The following MYOF variants were observed in gnomAD, a reference collection of about 807,000 sequenced individuals.
The protein encoded by MYOF is myoferlin, also known as fer-1-like 3, myoferlin.
Under a neutral mutation model 284.2 loss-of-function variants are expected in MYOF, and 244 were observed. That is an observed-to-expected ratio of 0.86 (90% CI 0.77 to 0.95). The LOEUF is 0.95. MYOF is among the 40% of genes least tolerant of loss of function. The pLI, the probability that MYOF is intolerant of heterozygous loss-of-function variation, is 0.00. For missense variants in MYOF, 2,496 were observed against 2,560.6 expected (o/e 0.97, Z 0.54); for synonymous variants, 904 against 919.7 (o/e 0.98, Z 0.31).
rs768932050 is a variant in MYOF, at chr10:93,369,689, A to G, written c.2545T>C (p.Phe849Leu). ...WLGLSAVEKK[F>L]NSFAEGTFTV... Reference sequence around the variant, plus strand: ...AAAGTTCCTTCTGCGAAGCTGTTAAACTTCTTCTCCACAGCACTTAAGCCT... The same window carrying G: ...AAAGTTCCTTCTGCGAAGCTGTTAAGCTTCTTCTCCACAGCACTTAAGCCT... The change falls in exon 25 of 54, where the codon TTT becomes CTT. Residue 849 changes from phenylalanine to leucine, a missense_variant. Phe to Leu is a conservative substitution (Grantham distance 22). Around this residue, in one of 3 missense-constraint regions of MYOF, gnomAD observed 2,436 missense variants for 2,480.7 expected, o/e 0.98. Transcript: ENST00000359263. 24 of 1,614,150 alleles carry G rather than the reference A, an allele frequency of 1.5e-5. No individual in the cohort carries two copies. The highest frequency in any genetic ancestry group is 2.0e-5 in the Non-Finnish European group (24 of 1,180,024).
chr10:93,390,796 C>A (rs1846639271), intron 17 of MYOF, among the ~76,000 whole-genome samples: 1 of 150,956 alleles, frequency 6.6e-6, no homozygotes, highest in Non-Finnish European at 1.5e-5. Context: ...GAAGCTGAAT[C>A]ACACACAAAA....
In MYOF at chr10:93,478,836, A is replaced by AGAAAGAAAGAAAG. The variant is rs200937397; in HGVS notation, c.88+3270_88+3271insCTTTCTTTCTTTC. 3.2e-4 allele frequency among the ~76,000 whole-genome samples: 19 copies of AGAAAGAAAGAAAG among 58,922 alleles called. 1 individual carries two copies. Among genetic ancestry groups the AGAAAGAAAGAAAG allele is most frequent in the Non-Finnish European group, 4.6e-4 (14 of 30,256 alleles). 38.7% of individuals were successfully genotyped at this position (58,922 alleles called of 152,430 possible). ...GGGTGAAACAGTCTCAAAAAAAAAA[A>AGAAAGAAAGAAAG]AAAAAAAGAAAGAAAGAAAGAAAGG... On this transcript the variant is annotated intron_variant, in intron 1 of 53. Transcript: ENST00000359263.
At chr10:93,386,148 T>C (rs74876849) in intron 19 of MYOF, among the ~76,000 whole-genome samples, 8,956 of 152,274 alleles carry the variant, frequency 0.059, 301 homozygotes, top group Middle Eastern at 0.12. Flanking sequence ...TTTCAAGAGC[T>C]AACTCCAATC....
Position 93,353,903 on chromosome 10 carries a change from T to C in MYOF, c.3404-15A>G. The C allele has an allele frequency of 6.3e-7, 1 of 1,589,414 alleles. No homozygotes were observed. The highest frequency in any genetic ancestry group is 8.6e-7 in the Non-Finnish European group (1 of 1,164,172). ...GATGTAGACTCCTAAAAAAACAGGA[T>C]AAAGATTACTTACAAGAAGCGTAAC... On this transcript the variant is annotated splice_polypyrimidine_tract_variant and intron_variant, in intron 31 of 53. Coordinates refer to ENST00000359263, the MANE Select transcript of MYOF (RefSeq NM_013451.4).
At chr10:93,409,043 A>G in intron 6 of MYOF, 128 bp from the exon 7 acceptor site, 2 of 1,408,538 alleles carry the variant, frequency 1.4e-6, no homozygotes, top group Non-Finnish European at 1.9e-6. Flanking sequence ...GCTTTGTGCT[A>G]TACCAGGTGC....
At chr10:93,416,241 G>C (rs78679007) in intron 5 of MYOF, among the ~76,000 whole-genome samples, 4,594 of 152,296 alleles carry the variant, frequency 0.03, 100 homozygotes, top group Middle Eastern at 0.054. Context: ...TCTCTCGGCC[G>C]GGCGTCGTGG....
intron 23 of MYOF, among the ~76,000 whole-genome samples, chr10:93,373,859 C>T (rs1845709247): frequency 6.6e-6 from 1 of 152,164 alleles, no homozygotes; most frequent in African/African-American, 2.4e-5. Flanking sequence ...AAGCCCTTTA[C>T]ACCTACCATT....
chr10:93,445,667 G>T (rs896813725), intron 3 of MYOF, among the ~76,000 whole-genome samples: 1 of 152,188 alleles, frequency 6.6e-6, no homozygotes, highest in Admixed American at 6.5e-5. Context: ...GTGAGCCTGG[G>T]ACTGCCTGGG....
intron 22 of MYOF, among the ~76,000 whole-genome samples, chr10:93,376,519 G>T (rs1480580693): frequency 6.6e-6 from 1 of 152,116 alleles, no homozygotes; most frequent in Non-Finnish European, 1.5e-5. Context: ...AAGCACCCCA[G>T]CAGTACTTTG....
intron 1 of MYOF, among the ~76,000 whole-genome samples, chr10:93,475,253 C>T (rs1304168686): frequency 2.0e-5 from 3 of 152,210 alleles, no homozygotes; most frequent in African/African-American, 7.2e-5. Flanking sequence ...CACCCCAGTG[C>T]AACAGAACAG....
chr10:93,380,529 G>GTTTC (rs1229304929), intron 20 of MYOF, among the ~76,000 whole-genome samples: 1 of 152,064 alleles, frequency 6.6e-6, no homozygotes, highest in African/African-American at 2.4e-5. Context: ...TTAAAACTCT[G>GTTTC]GCAATACTGT....
rs553136413 is a variant in MYOF, at chr10:93,438,463, A to T, written c.237-6947T>A. ...CGCCTCGGTTCACCCCTCCACTTGC[A>T]CTTGCCCGCCCACCCTCACTCGGCC... On this transcript the variant is annotated intron_variant, in intron 3 of 53. Coordinates refer to ENST00000359263, the MANE Select transcript of MYOF (RefSeq NM_013451.4). Among the ~76,000 whole-genome samples, 3 of 152,244 alleles carry T rather than the reference A, an allele frequency of 2.0e-5. No individual in the cohort carries two copies. The East Asian group carries it at 5.8e-4, about 29-fold the overall frequency.
At chr10:93,360,779 C>T (rs750853058) in intron 28 of MYOF, among the ~76,000 whole-genome samples, 1 of 152,196 alleles carries the variant, frequency 6.6e-6, no homozygotes, top group African/African-American at 2.4e-5. Flanking sequence ...TTTTCTGCGT[C>T]AGGGGGGCCC....
At chr10:93,424,585 G>A (rs1008376902) in intron 5 of MYOF, among the ~76,000 whole-genome samples, 2 of 152,202 alleles carry the variant, frequency 1.3e-5, no homozygotes, top group Middle Eastern at 3.2e-3. Flanking sequence ...GGAAGAGGGC[G>A]ATGGGCAGAG....
intron 3 of MYOF, among the ~76,000 whole-genome samples, chr10:93,445,312 T>C (rs2056398734): frequency 6.6e-6 from 1 of 152,180 alleles, no homozygotes; most frequent in African/African-American, 2.4e-5. Flanking sequence ...GGACCCATCA[T>C]ATGAGGTGTG....
intron 29 of MYOF, among the ~76,000 whole-genome samples, chr10:93,357,716 C>T (rs767366430): frequency 1.7e-4 from 26 of 152,058 alleles, no homozygotes; most frequent in Admixed American, 6.5e-5. Context: ...TGTACCTGAC[C>T]CTCTAGTAAC....
intron 1 of MYOF, among the ~76,000 whole-genome samples, chr10:93,479,135 T>A (rs1457026807): frequency 6.6e-6 from 1 of 151,994 alleles, no homozygotes; most frequent in African/African-American, 2.4e-5. Context: ...TCTTCTGGTA[T>A]GGCTTTTTCC....
chr10:93,324,981 T>C (rs542098809), intron 46 of MYOF, among the ~76,000 whole-genome samples: 1 of 152,252 alleles, frequency 6.6e-6, no homozygotes, highest in South Asian at 2.1e-4. Context: ...GGTTTCACCA[T>C]CTTGGCCAGG....
intron 3 of MYOF, among the ~76,000 whole-genome samples, chr10:93,445,689 C>T (rs72637505): frequency 0.07 from 10,656 of 152,220 alleles, 1,336 homozygotes; most frequent in East Asian, 0.64. Context: ...CTAGCCCATG[C>T]GGGTGTGGGC....
Sources: gnomAD v4.1 joint callset for allele counts (sites outside exome capture counted in the v4.1 genomes callset) on GRCh38, gnomAD v4.1.1 for gene constraint, gnomAD v4.1.1 regional missense constraint, MANE v1.5 for transcripts, NCBI Gene and HGNC (gene_info 2026-07-23, HGNC 2026-07-21) for gene names.